AGAP1: variants seen among roughly 807,000 people sequenced by gnomAD.
The protein encoded by AGAP1 is arf-GAP with GTPase, ANK repeat and PH domain-containing protein 1.
Under a neutral mutation model 105.3 loss-of-function variants are expected in AGAP1, and 29 were observed. The observed-to-expected ratio is 0.28, with a 90% CI of 0.21 to 0.38. AGAP1 has a LOEUF of 0.38. Ranked by LOEUF, AGAP1 falls within the 10% of genes least tolerant of loss-of-function variation. The pLI is 1.00. For missense variants in AGAP1, 998 were observed against 1,165.1 expected (o/e 0.86, Z 2.09); for synonymous variants, 509 against 485.9 (o/e 1.05, Z -0.63).
chr2:235,841,967 T>C (rs1422634740), intron 9 of AGAP1, among the ~76,000 whole-genome samples: 1 of 152,192 alleles, frequency 6.6e-6, no homozygotes, highest in Non-Finnish European at 1.5e-5. Context: ...AACTTTGATG[T>C]GTCTCCGTGT....
rs1559660734 is a variant in AGAP1, at chr2:235,930,721, G to A, written c.1325-44G>A. The A allele has an allele frequency of 1.3e-6, 2 of 1,591,812 alleles. No homozygotes were observed. The highest frequency in any genetic ancestry group is 2.3e-5 in the South Asian group (2 of 87,300). On this transcript the variant is annotated intron_variant, in intron 11 of 17. Coordinates refer to ENST00000304032, the MANE Select transcript of AGAP1 (RefSeq NM_001037131.3). This position sits in a 1 kb window ranked among gnomAD's most constrained non-coding sequence, Gnocchi z 7.9. ...AGACTAACTCGCGCTGGTTTCTGTGGTCTGCAGTCCGCGGTGGTGTTCACC... is the reference window on the plus strand; with the variant it reads ...AGACTAACTCGCGCTGGTTTCTGTGATCTGCAGTCCGCGGTGGTGTTCACC...
intron 13 of AGAP1, among the ~76,000 whole-genome samples, chr2:235,985,193 C>G (rs543596861): frequency 6.6e-6 from 1 of 152,334 alleles, no homozygotes; most frequent in Non-Finnish European, 1.5e-5. Flanking sequence ...TTGCATTTCT[C>G]TGATGATCAG....
At chr2:235,531,039 A>C (rs113372083) in intron 1 of AGAP1, among the ~76,000 whole-genome samples, 4,496 of 152,334 alleles carry the variant, frequency 0.03, 91 homozygotes, top group Non-Finnish European at 0.043. Context: ...CAGTTTAGAA[A>C]GTACAGTGAG....
chr2:235,767,773 T>A (rs1226532617), intron 6 of AGAP1, among the ~76,000 whole-genome samples: 1 of 140,718 alleles, frequency 7.1e-6, no homozygotes, highest in African/African-American at 2.6e-5. Flanking sequence ...TTCCAGTTTC[T>A]TGTCTTTTTT....
At chr2:235,892,979 G>A (rs941387734) in intron 10 of AGAP1, among the ~76,000 whole-genome samples, 2 of 152,190 alleles carry the variant, frequency 1.3e-5, no homozygotes, top group African/African-American at 4.8e-5. Flanking sequence ...AGTCTGGCAC[G>A]CTGCTGCAGA....
chr2:235,521,686 C>G (rs1201243700), intron 1 of AGAP1, among the ~76,000 whole-genome samples: 1 of 150,980 alleles, frequency 6.6e-6, no homozygotes, highest in African/African-American at 2.4e-5. Context: ...ATTAACAGGT[C>G]TCTTATTAAT....
In AGAP1 at chr2:235,891,855, T is replaced by C. The variant is rs79151333; in HGVS notation, c.1155+8406T>C. 1.3e-5 allele frequency among the ~76,000 whole-genome samples: 2 copies of C among 152,128 alleles called. No individual in the cohort carries two copies. Among genetic ancestry groups the C allele is most frequent in the South Asian group, 2.1e-4 (1 of 4,826 alleles). On this transcript the variant is annotated intron_variant, in intron 10 of 17. Transcript: ENST00000304032. The surrounding 1 kb of genome is among the most constrained non-coding windows in gnomAD (Gnocchi z 4.2). ...AGACGTGCATGAACTGGTCAGACTT[T>C]TAAAAAACCTCCTTCTGGCCAGGTG...
intron 13 of AGAP1, 84 bp downstream of exon 13, chr2:235,968,707 C>G (rs1396414054): frequency 7.1e-7 from 1 of 1,401,972 alleles, no homozygotes; most frequent in African/African-American, 1.5e-5. Context: ...ATTAGACACC[C>G]TTAGCACAAC....
At chr2:235,820,955 C>T (rs988412036) in intron 9 of AGAP1, among the ~76,000 whole-genome samples, 6 of 152,174 alleles carry the variant, frequency 3.9e-5, no homozygotes, top group Non-Finnish European at 7.4e-5. Context: ...AGTCCTGAAA[C>T]TTGACCCAGT....
At chr2:235,954,286 A>G (rs543050841) in intron 12 of AGAP1, among the ~76,000 whole-genome samples, 23 of 151,482 alleles carry the variant, frequency 1.5e-4, no homozygotes, top group African/African-American at 5.6e-4. Flanking sequence ...TAAAGGAGAC[A>G]TCCACAGAAG....
rs1490536296 is a variant in AGAP1 at position 235,753,611 on chromosome 2, CAGG to C, written c.673+3126_673+3128del. On this transcript the variant is annotated intron_variant, in intron 6 of 17. Coordinates refer to ENST00000304032, the MANE Select transcript of AGAP1 (RefSeq NM_001037131.3). The surrounding 1 kb of genome is among the most constrained non-coding windows in gnomAD (Gnocchi z 4.5). The stretch of plus-strand genomic sequence containing the variant: ...ATCCCAGCTACTCAGGAAGCCAAGG[CAGG>C]AGAATCGCTTGAACCTGGGAGGCGG... Among the ~76,000 whole-genome samples the C allele has an allele frequency of 6.6e-6, 1 of 151,726 alleles. No individual in the cohort carries two copies. The highest frequency in any genetic ancestry group is 6.6e-5 in the Admixed American group (1 of 15,226).
rs1485377737 is a variant in AGAP1 at position 235,754,712 on chromosome 2, C to G, written c.673+4224C>G. Among the ~76,000 whole-genome samples, 4 of 152,222 alleles carry G rather than the reference C, an allele frequency of 2.6e-5. No homozygotes were observed. Among genetic ancestry groups the G allele is most frequent in the Non-Finnish European group, 5.9e-5 (4 of 68,042 alleles). ...TGGGAAGCAGCCTAGCAGGCTGGTT[C>G]ATCCACCCAGTCACTCGTTCATCTG... On this transcript the variant is annotated intron_variant, in intron 6 of 17. Coordinates refer to ENST00000304032, the MANE Select transcript of AGAP1 (RefSeq NM_001037131.3). This position sits in a 1 kb window ranked among gnomAD's most constrained non-coding sequence, Gnocchi z 4.6.
At chr2:235,576,385 C>T (rs1444017617) in intron 1 of AGAP1, among the ~76,000 whole-genome samples, 3 of 152,194 alleles carry the variant, frequency 2.0e-5, no homozygotes, top group Non-Finnish European at 2.9e-5. Context: ...GTACTCAGCA[C>T]GTGCTTCTCA....
In AGAP1 at chr2:235,788,870, C is replaced by A. The variant is rs1443092975; in HGVS notation, c.674-8889C>A. ...TTTCGGCATCTCTCAGTGGGGTGAA[C>A]GTTTGCATGTTGGTGCTTCTGAACA... On this transcript the variant is annotated intron_variant, in intron 6 of 17. Transcript: ENST00000304032. This position sits in a 1 kb window ranked among gnomAD's most constrained non-coding sequence, Gnocchi z 6.0. 6.6e-6 allele frequency among the ~76,000 whole-genome samples: 1 copy of A among 152,140 alleles called. No homozygotes were observed. Among genetic ancestry groups the A allele is most frequent in the Non-Finnish European group, 1.5e-5 (1 of 68,020 alleles).
At chr2:235,682,556 GCTGGT>G (rs905481297) in intron 1 of AGAP1, among the ~76,000 whole-genome samples, 20 of 151,976 alleles carry the variant, frequency 1.3e-4, no homozygotes, top group African/African-American at 4.8e-4. Flanking sequence ...TGTTGGCCAG[GCTGGT>G]CTTGAACTGC....
At chr2:235,605,729 T>C (rs957095459) in intron 1 of AGAP1, among the ~76,000 whole-genome samples, 18 of 152,252 alleles carry the variant, frequency 1.2e-4, no homozygotes, top group African/African-American at 4.3e-4. Context: ...TTGCCAGCTG[T>C]ACCCGGTCAG....
chr2:235,749,463 C>T (rs1953247794), intron 5 of AGAP1, among the ~76,000 whole-genome samples: 1 of 151,990 alleles, frequency 6.6e-6, no homozygotes. Flanking sequence ...CGTGTGCACA[C>T]ATGACTTAGA....
At position 235,535,863 on chromosome 2, in the gene AGAP1, G is replaced by A. The variant is rs187966040; in HGVS notation, c.163+41014G>A. ...TGGCAGACACACATTAGGAGTCCAC[G>A]CGCAGGTAGCCTGGCCTTTGAAGCT... On this transcript the variant is annotated intron_variant, in intron 1 of 17. Coordinates refer to ENST00000304032, the MANE Select transcript of AGAP1 (RefSeq NM_001037131.3). The surrounding 1 kb of genome is among the most constrained non-coding windows in gnomAD (Gnocchi z 5.1). 2.8e-3 allele frequency among the ~76,000 whole-genome samples: 423 copies of A among 152,070 alleles called. 1 individual carries two copies. Among genetic ancestry groups the A allele is most frequent in the Non-Finnish European group, 2.8e-3 (192 of 67,998 alleles).
At position 235,682,797 on chromosome 2, in the gene AGAP1, C is replaced by CGTGTGTGTGTGTGTGTGTGTGT. The variant is rs71064869; in HGVS notation, c.164-26381_164-26360dup. Among the ~76,000 whole-genome samples, 736 of 149,558 alleles carry CGTGTGTGTGTGTGTGTGTGTGT rather than the reference C, an allele frequency of 4.9e-3. 8 individuals carry two copies. Among genetic ancestry groups the CGTGTGTGTGTGTGTGTGTGTGT allele is most frequent in the African/African-American group, 0.017 (705 of 40,296 alleles). ...AACTCGATGTGTGGGTGTGTGCACA[C>CGTGTGTGTGTGTGTGTGTGTGT]GTGTGTGTGTGTGTGTGTGTGTTTT... On this transcript the variant is annotated intron_variant, in intron 1 of 17. Coordinates refer to ENST00000304032, the MANE Select transcript of AGAP1 (RefSeq NM_001037131.3).
Sources: gnomAD v4.1 joint callset for allele counts (sites outside exome capture counted in the v4.1 genomes callset) on GRCh38, gnomAD v4.1.1 for gene constraint, Gnocchi (gnomAD v3.1) non-coding constraint, MANE v1.5 for transcripts, NCBI Gene and HGNC (gene_info 2026-07-23, HGNC 2026-07-21) for gene names.